Variants in FBLN1 observed in about 807,000 individuals in gnomAD.
The protein encoded by FBLN1 is fibulin 1.
Under a neutral mutation model 89.7 loss-of-function variants are expected in FBLN1, and 34 were observed. That is an observed-to-expected ratio of 0.38 (90% CI 0.29 to 0.50). FBLN1 has a LOEUF of 0.50. Among genes scored for constraint, FBLN1 ranks in the 20% least tolerant of loss-of-function variants. The pLI, the probability that FBLN1 is intolerant of heterozygous loss-of-function variation, is 0.92. For synonymous variants in FBLN1, 393 were observed against 391.3 expected, an observed-to-expected ratio of 1.00 and a Z score of -0.05; for missense variants, 777 against 988.1, an observed-to-expected ratio of 0.79 and a Z score of 2.86.
intron 14 of FBLN1, among the ~76,000 whole-genome samples, chr22:45,553,109 G>A (rs989439169): frequency 2.0e-4 from 30 of 152,338 alleles, no homozygotes; most frequent in African/African-American, 6.0e-4. Context: ...CTTGTCTCCC[G>A]GACGACGAGC....
rs780275644 is a variant in FBLN1, at chr22:45,505,271, G to A, written c.79+2207G>A. Among the ~76,000 whole-genome samples the A allele has an allele frequency of 4.6e-4, 70 of 152,366 alleles. No homozygotes were observed. The Middle Eastern group carries it at 0.01, about 22-fold the overall frequency. On this transcript the variant is annotated intron_variant, in intron 1 of 16. Coordinates refer to ENST00000327858, the MANE Select transcript of FBLN1 (RefSeq NM_006486.3). Reference sequence around the variant, plus strand: ...TTTCTTGGCCTCTGGCTGCAGCCGGGCAGCGTTTCCGACTGATTAAAAGAA... The same window carrying A: ...TTTCTTGGCCTCTGGCTGCAGCCGGACAGCGTTTCCGACTGATTAAAAGAA...
chr22:45,547,270 G>T, intron 12 of FBLN1, 66 bp downstream of exon 12: 1 of 1,601,058 alleles, frequency 6.2e-7, no homozygotes, highest in African/African-American at 1.3e-5. Flanking sequence ...CAGCAGCACG[G>T]CCTCTGACTT....
chr22:45,569,886 CA>C, intron 14 of FBLN1, among the ~76,000 whole-genome samples: 1 of 152,116 alleles, frequency 6.6e-6, no homozygotes, highest in East Asian at 1.9e-4. Flanking sequence ...AACAAATGCA[CA>C]GCTATTATAA....
rs2089105037 is a variant in FBLN1 at position 45,588,240 on chromosome 22, G to A, written c.1972+11132G>A. On this transcript the variant is annotated intron_variant, in intron 16 of 16. Transcript: ENST00000327858. This position sits in a 1 kb window ranked among gnomAD's most constrained non-coding sequence, Gnocchi z 5.1. The stretch of plus-strand genomic sequence containing the variant: ...AGGAAGTGACCCACACAGAGATCTG[G>A]AGGAAGAGGGCTCCAGGCAGAGGGA... Among the ~76,000 whole-genome samples, 1 of 152,178 alleles carries A rather than the reference G, an allele frequency of 6.6e-6. No homozygotes were observed. The highest frequency in any genetic ancestry group is 1.5e-5 in the Non-Finnish European group (1 of 68,020).
At chr22:45,511,671 TC>T (rs1301105407) in intron 1 of FBLN1, among the ~76,000 whole-genome samples, 1 of 152,068 alleles carries the variant, frequency 6.6e-6, no homozygotes, top group Non-Finnish European at 1.5e-5. Flanking sequence ...GGTCTCGAAC[TC>T]CTGGACTGAA....
rs1315753612 is a variant in FBLN1, at chr22:45,561,586, T to C, written c.1697+10971T>C. ...GTGGAGTCCTTAGCATTTTTGGATC[T>C]AATCGTTAACCAGCCAACCCCAGAA... On this transcript the variant is annotated intron_variant, in intron 14 of 16. Transcript: ENST00000327858. The surrounding 1 kb of genome is among the most constrained non-coding windows in gnomAD (Gnocchi z 4.7). Among the ~76,000 whole-genome samples, 1 of 152,206 alleles carries C rather than the reference T, an allele frequency of 6.6e-6. No individual in the cohort carries two copies. The highest frequency in any genetic ancestry group is 2.4e-5 in the African/African-American group (1 of 41,442).
At chr22:45,525,772 C>G in intron 3 of FBLN1, 94 bp downstream of exon 3, 1 of 1,494,268 alleles carries the variant, frequency 6.7e-7, no homozygotes, top group Non-Finnish European at 9.1e-7. Flanking sequence ...GTCAGCGCTC[C>G]CTGCCTCAGG....
chr22:45,566,325 C>G (rs1215492098), intron 14 of FBLN1, among the ~76,000 whole-genome samples: 1 of 152,148 alleles, frequency 6.6e-6, no homozygotes, highest in Non-Finnish European at 1.5e-5. Flanking sequence ...GAACTCCCTG[C>G]CTCCTGAGGG....
chr22:45,510,899 G>A (rs944833118), intron 1 of FBLN1, among the ~76,000 whole-genome samples: 1 of 152,188 alleles, frequency 6.6e-6, no homozygotes, highest in Non-Finnish European at 1.5e-5. Context: ...CCTGTGAACT[G>A]AGCCAGCTCC....
rs1192980886 is a variant in FBLN1 at position 45,572,657 on chromosome 22, A to G, written c.1698-1854A>G. Among the ~76,000 whole-genome samples, 1 of 152,246 alleles carries G rather than the reference A, an allele frequency of 6.6e-6. No homozygotes were observed. The highest frequency in any genetic ancestry group is 1.5e-5 in the Non-Finnish European group (1 of 68,042). On this transcript the variant is annotated intron_variant, in intron 14 of 16. Coordinates refer to ENST00000327858, the MANE Select transcript of FBLN1 (RefSeq NM_006486.3). This position sits in a 1 kb window ranked among gnomAD's most constrained non-coding sequence, Gnocchi z 5.8. ...GGCATTTTGCAATCCTTGATGAATCAGTGGGCGTAGGCCTTGAGCATCAGT... is the reference window on the plus strand; with the variant it reads ...GGCATTTTGCAATCCTTGATGAATCGGTGGGCGTAGGCCTTGAGCATCAGT...
rs2088478740 is a variant in FBLN1, at chr22:45,536,038, A to G, written c.922+701A>G. 6.6e-6 allele frequency among the ~76,000 whole-genome samples: 1 copy of G among 152,166 alleles called. No individual in the cohort carries two copies. Among genetic ancestry groups the G allele is most frequent in the Admixed American group, 6.5e-5 (1 of 15,274 alleles). On this transcript the variant is annotated intron_variant, in intron 8 of 16. Transcript: ENST00000327858. This position sits in a 1 kb window ranked among gnomAD's most constrained non-coding sequence, Gnocchi z 5.1. ...TCACTACAAAAAATTAGCTGGGTGT[A>G]GTGGCGCATGCCTACAGTCCCAGCT...
intron 16 of FBLN1, among the ~76,000 whole-genome samples, chr22:45,599,545 C>T (rs1364337535): frequency 6.6e-6 from 1 of 152,070 alleles, no homozygotes; most frequent in African/African-American, 2.4e-5. Flanking sequence ...CAGAACTGGG[C>T]ACAGGGGGTT....
chr22:45,512,824 C>T (rs778094323), intron 1 of FBLN1, among the ~76,000 whole-genome samples: 2 of 152,138 alleles, frequency 1.3e-5, no homozygotes, highest in South Asian at 2.1e-4. Context: ...GTGGTGCAGT[C>T]GTGGCCCACT....
chr22:45,538,849 C>T (rs1210332003), intron 8 of FBLN1, among the ~76,000 whole-genome samples: 1 of 152,148 alleles, frequency 6.6e-6, no homozygotes, highest in Non-Finnish European at 1.5e-5. Flanking sequence ...CCCATCCGAG[C>T]CTCCTGCCTG....
Position 45,580,711 on chromosome 22 carries a change from T to C in FBLN1, c.1972+3603T>C, listed in dbSNP as rs182568863. On this transcript the variant is annotated intron_variant, in intron 16 of 16. Coordinates refer to ENST00000327858, the MANE Select transcript of FBLN1 (RefSeq NM_006486.3). This position sits in a 1 kb window ranked among gnomAD's most constrained non-coding sequence, Gnocchi z 8.6. ...CTGCTGCTGTGGTGGGCTAAGTTGC[T>C]GTGAGTTTGGATGTCCCAGAAAAAC... 3.3e-3 allele frequency among the ~76,000 whole-genome samples: 497 copies of C among 152,286 alleles called. 1 individual carries two copies. Among genetic ancestry groups the C allele is most frequent in the Middle Eastern group, 0.014 (4 of 294 alleles).
intron 14 of FBLN1, among the ~76,000 whole-genome samples, chr22:45,553,469 G>A (rs933089402): frequency 1.3e-5 from 2 of 152,216 alleles, no homozygotes; most frequent in African/African-American, 4.8e-5. Context: ...AGACACACTG[G>A]CTAAAAGGGA....
intron 1 of FBLN1, among the ~76,000 whole-genome samples, chr22:45,518,137 A>AG (rs1322970434): frequency 7.0e-6 from 1 of 142,836 alleles, no homozygotes; most frequent in African/African-American, 3.0e-5. Context: ...CAAAAAAAAA[A>AG]AAAAAGAAAA....
chr22:45,543,319 A>ATGAGCTGGCC lies in FBLN1; in HGVS notation c.1196-80_1196-71dup, dbSNP rs538079643. On this transcript the variant is annotated intron_variant, in intron 10 of 16. Coordinates refer to ENST00000327858, the MANE Select transcript of FBLN1 (RefSeq NM_006486.3). ...CTGGAGGAGGTGGAGGACAAAGGAC[A>ATGAGCTGGCC]TGAGCTGGCCTTACTAGGAGGGTGG... The ATGAGCTGGCC allele has an allele frequency of 4.1e-4, 641 of 1,552,708 alleles. 3 individuals carry two copies. In the African/African-American group the frequency reaches 7.9e-3, roughly 19 times the overall value.
In FBLN1 at chr22:45,577,085, G is replaced by A. The variant is rs775498492; in HGVS notation, c.1949G>A (p.Arg650His). The change falls in exon 16 of 17, where the codon CGT (arginine) becomes CAT (histidine). Residue 650 changes from arginine to histidine, a missense_variant. Arg to His is a conservative substitution (Grantham distance 29). Transcript: ENST00000327858. The surrounding 1 kb of genome is among the most constrained non-coding windows in gnomAD (Gnocchi z 6.6). ...NLRDSFDIIKRYMDGMTVGVV... is the reference protein window; with the variant it reads ...NLRDSFDIIKHYMDGMTVGVV... ...CGGGACTCTTTTGACATCATCAAGCGTTACATGGACGGCATGACCGTGGGT... is the reference window on the plus strand; with the variant it reads ...CGGGACTCTTTTGACATCATCAAGCATTACATGGACGGCATGACCGTGGGT... 1.4e-5 allele frequency: 22 copies of A among 1,613,976 alleles called. No homozygotes were observed. The highest frequency in any genetic ancestry group is 4.5e-5 in the East Asian group (2 of 44,886).
Sources: allele counts gnomAD v4.1 joint callset (sites outside exome capture counted in the v4.1 genomes callset), GRCh38; gene constraint gnomAD v4.1.1; non-coding constraint Gnocchi (gnomAD v3.1); transcripts MANE v1.5; gene names NCBI Gene and HGNC (gene_info 2026-07-23, HGNC 2026-07-21).